Variants in DNAH5 observed in about 807,000 individuals in gnomAD.
DNAH5 encodes axonemal beta dynein heavy chain 5.
Under a neutral mutation model 518.2 loss-of-function variants are expected in DNAH5, and 372 were observed. The observed-to-expected ratio is 0.72, with a 90% confidence interval of 0.66 to 0.78. The LOEUF is 0.78. DNAH5 is among the 30% of genes least tolerant of loss of function. The pLI, the probability that DNAH5 is intolerant of heterozygous loss-of-function variation, is 0.00. For synonymous variants in DNAH5, 2,039 were observed against 2,025.9 expected (o/e 1.01, Z -0.17); for missense variants, 5,523 against 5,687.0 (o/e 0.97, Z 0.93).
Position 13,900,362 on chromosome 5 carries a change from T to TGG in DNAH5, c.2101_2102dup (p.Gly702GlnfsTer8). ...AGTTTACAAACAATTCCCCTGTGCC[T>TGG]GGAGCCTTCACCAATAATGAAGCCT... On this transcript the variant is annotated frameshift_variant, in exon 15 of 79. Coordinates refer to ENST00000265104, the MANE Select transcript of DNAH5 (RefSeq NM_001369.3). LOFTEE classifies it high-confidence loss of function. The TGG allele has an allele frequency of 6.2e-7, 1 of 1,614,186 alleles. No individual in the cohort carries two copies. Among genetic ancestry groups the TGG allele is most frequent in the Non-Finnish European group, 8.5e-7 (1 of 1,180,018 alleles).
At chr5:13,946,196 A>T (rs1779899514), upstream of DNAH5, among the ~76,000 whole-genome samples, 5 of 152,158 alleles carry the variant, frequency 3.3e-5, no homozygotes, top group Admixed American at 3.3e-4. Context: ...TATTTTAGGC[A>T]CCATCCTCAT....
intron 1 of DNAH5, among the ~76,000 whole-genome samples, chr5:13,979,287 C>T (rs757974704): frequency 1.3e-5 from 2 of 152,176 alleles, no homozygotes; most frequent in Admixed American, 6.5e-5. Context: ...CAATTCCCCC[C>T]ACCATACACG....
chr5:13,700,663 A>G lies in DNAH5; in HGVS notation c.13700T>C (p.Ile4567Thr). The G allele has an allele frequency of 6.2e-7, 1 of 1,614,176 alleles. No homozygotes were observed. The highest frequency in any genetic ancestry group is 1.1e-5 in the South Asian group (1 of 91,076). Reference protein sequence around the residue: ...PKVLFELMPVIRIYAENNTLR... With the variant: ...PKVLFELMPVTRIYAENNTLR... ...ACTATTGTTTTCTGCATAAATCCTT[A>G]TGACAGGCATCAACTCAAAGAGCAC... is the stretch of plus-strand genomic sequence containing the variant. Residue 4567 changes from isoleucine to threonine, a missense_variant, in exon 78 of 79, where the codon ATA becomes ACA. Ile to Thr is a moderately conservative substitution (Grantham distance 89, BLOSUM62 -1). Coordinates refer to ENST00000265104, the MANE Select transcript of DNAH5 (RefSeq NM_001369.3).
intron 61 of DNAH5, among the ~76,000 whole-genome samples, chr5:13,755,818 C>G (rs1168291736): frequency 3.9e-5 from 6 of 152,134 alleles, no homozygotes; most frequent in Admixed American, 1.3e-4. Flanking sequence ...GATTTGCTTT[C>G]TCTAAATTCT....
intron 70 of DNAH5, among the ~76,000 whole-genome samples, chr5:13,725,451 G>A (rs1745594722): frequency 6.6e-6 from 1 of 152,204 alleles, no homozygotes. Flanking sequence ...TAATTCAGGT[G>A]TGGCAAGCCA....
chr5:13,809,292 C>G (rs1356656464), intron 45 of DNAH5, 106 bp from the exon 46 acceptor site: 3 of 1,345,714 alleles, frequency 2.2e-6, no homozygotes, highest in Admixed American at 3.4e-5. Flanking sequence ...CAAATTCTCC[C>G]CATAAAATGA....
Position 13,793,987 on chromosome 5 carries a change from A to T in DNAH5, c.7959T>A (p.Thr2653=). 1 of 1,614,106 alleles carries T rather than the reference A, an allele frequency of 6.2e-7. No homozygotes were observed. The highest frequency in any genetic ancestry group is 8.5e-7 in the Non-Finnish European group (1 of 1,179,980). The stretch of plus-strand genomic sequence containing the variant: ...GCATATTCACATCATCAATAAAAAC[A>T]GTCATCTTCTTTCCCGCAGGAGGGC... The part of the protein sequence containing the change: ...TYGPPAGKKM[T]VFIDDVNMPI... Residue 2653 remains threonine (T), a synonymous_variant, in exon 48 of 79, where the codon ACT becomes ACA. Coordinates refer to ENST00000265104, the MANE Select transcript of DNAH5 (RefSeq NM_001369.3).
chr5:13,903,984 A>G lies in DNAH5; in HGVS notation c.1645-1846T>C, dbSNP rs1774986115. Among the ~76,000 whole-genome samples, 3 of 152,272 alleles carry G rather than the reference A, an allele frequency of 2.0e-5. No individual in the cohort carries two copies. The South Asian group carries it at 6.2e-4, about 32-fold the overall frequency. ...AATTTAAATAACTATTAGTAATAAC[A>G]AGTTTGAAAAGTTTAGCAGCAAAGG... On this transcript the variant is annotated intron_variant, in intron 12 of 78. Coordinates refer to ENST00000265104, the MANE Select transcript of DNAH5 (RefSeq NM_001369.3).
chr5:13,700,521 G>T (rs762303341), intron 78 of DNAH5, 119 bp downstream of exon 78: 3 of 971,934 alleles, frequency 3.1e-6, no homozygotes, highest in African/African-American at 1.6e-5. Flanking sequence ...TGAATGTAAA[G>T]CTAATAGATA....
At chr5:13,743,988 T>C (rs1748985162) in intron 65 of DNAH5, among the ~76,000 whole-genome samples, 1 of 151,988 alleles carries the variant, frequency 6.6e-6, no homozygotes, top group African/African-American at 2.4e-5. Flanking sequence ...TGGGCATTTA[T>C]TCAAAGGAAA....
At chr5:13,980,246 T>C (rs1782579982) in intron 1 of DNAH5, among the ~76,000 whole-genome samples, 1 of 152,076 alleles carries the variant, frequency 6.6e-6, no homozygotes, top group Non-Finnish European at 1.5e-5. Context: ...CTCAGACCTT[T>C]AAGGTTATGT....
chr5:13,976,708 T>C lies in DNAH5; in HGVS notation c.12+34940A>G, dbSNP rs1026273346. Among the ~76,000 whole-genome samples, 896 of 127,616 alleles carry C rather than the reference T, an allele frequency of 7.0e-3. 11 individuals are homozygous for C. Among genetic ancestry groups the C allele is most frequent in the African/African-American group, 0.023 (797 of 35,290 alleles). The allele number at this position is 127,616 out of a possible 152,430, so 83.7% of individuals were successfully genotyped here. A position where few individuals can be genotyped will look rare whatever the true frequency, so the allele number is the denominator to read the frequency against. On this transcript the variant is annotated intron_variant, in intron 1 of 78. Coordinates refer to the DNAH5 transcript ENST00000681290. ...GTGTGTGTATATATATATATATATA[T>C]ATACACACACACACATACACACACA...
chr5:13,981,689 T>G (rs1375945144), intron 1 of DNAH5, among the ~76,000 whole-genome samples: 2 of 152,226 alleles, frequency 1.3e-5, no homozygotes, highest in Non-Finnish European at 2.9e-5. Context: ...TGAATGGCTG[T>G]AGACTTCTAA....
rs1434144882 is a variant in DNAH5 at position 13,690,843 on chromosome 5, C to CT, written c.*1140_*1141insA. 1 of 152,118 alleles carries CT rather than the reference C, an allele frequency of 6.6e-6. No individual in the cohort carries two copies. Among genetic ancestry groups the CT allele is most frequent in the Non-Finnish European group, 1.5e-5 (1 of 68,000 alleles). 9.4% of individuals were successfully genotyped at this position (152,118 alleles called of 1,614,324 possible). On this transcript the variant is annotated 3_prime_UTR_variant, in exon 79 of 79. Transcript: ENST00000265104. The stretch of plus-strand genomic sequence containing the variant: ...CCTACGCACCGTCTAATATTTCTAC[C>CT]CTTTTTTTATTTTTTCTCCTGATCA...
intron 76 of DNAH5, among the ~76,000 whole-genome samples, chr5:13,704,554 G>A (rs1183769585): frequency 6.6e-6 from 1 of 152,198 alleles, no homozygotes; most frequent in African/African-American, 2.4e-5. Context: ...TTCAGGCGGA[G>A]AAAAGAGCTA....
At chr5:13,853,850 C>T (rs924569321) in intron 30 of DNAH5, among the ~76,000 whole-genome samples, 4 of 151,886 alleles carry the variant, frequency 2.6e-5, no homozygotes, top group Non-Finnish European at 5.9e-5. Flanking sequence ...ATGAACAAAG[C>T]CTCCAAGAAA....
intron 1 of DNAH5, among the ~76,000 whole-genome samples, chr5:14,008,359 T>C (rs1468925396): frequency 7.0e-6 from 1 of 143,330 alleles, no homozygotes; most frequent in Non-Finnish European, 1.5e-5. Flanking sequence ...CGGTGGCTCA[T>C]GCCTGGTAAT....
At chr5:13,883,210 T>A (rs1203775857) in intron 19 of DNAH5, 116 bp from the exon 20 acceptor site, 1 of 1,113,836 alleles carries the variant, frequency 9.0e-7, no homozygotes. Context: ...TAATAAATAT[T>A]TGTTGAATGA....
intron 58 of DNAH5, among the ~76,000 whole-genome samples, chr5:13,766,811 G>A (rs1240307791): frequency 6.6e-6 from 1 of 152,178 alleles, no homozygotes. Flanking sequence ...ACATACACCT[G>A]TTTTGGTTGA....
Sources: gnomAD v4.1 joint callset for allele counts (sites outside exome capture counted in the v4.1 genomes callset) on GRCh38, gnomAD v4.1.1 for gene constraint, MANE v1.5 for transcripts, NCBI Gene and HGNC (gene_info 2026-07-23, HGNC 2026-07-21) for gene names.